The following NUP54 variants were observed in gnomAD, a reference collection of about 807,000 sequenced individuals.
NUP54 encodes nucleoporin 54, also known as nucleoporin p54.
Under a neutral mutation model 66.4 loss-of-function variants are expected in NUP54, and 27 were observed. The ratio of observed to expected loss-of-function variants is 0.41; its 90% CI spans 0.30 to 0.56. The LOEUF (loss-of-function observed/expected upper bound fraction) is 0.56, where lower values mean the gene tolerates loss of function less well. NUP54 is among the 20% of genes least tolerant of loss of function. The pLI is 0.34. For synonymous variants in NUP54, 206 were observed against 210.7 expected (o/e 0.98, Z 0.19); for missense variants, 486 against 596.3 (o/e 0.82, Z 1.93).
chr4:76,130,176 T>C (rs2109880814), intron 8 of NUP54, among the ~76,000 whole-genome samples: 1 of 151,674 alleles, frequency 6.6e-6, no homozygotes, highest in South Asian at 2.1e-4. Flanking sequence ...CAGACCAGGT[T>C]TTGCCAAGTC....
Position 76,134,625 on chromosome 4 carries a change from T to A in NUP54, c.523-263A>T, listed in dbSNP as rs369085368. On this transcript the variant is annotated intron_variant, in intron 4 of 11. Coordinates refer to ENST00000264883, the MANE Select transcript of NUP54 (RefSeq NM_017426.4). ...AGAGTAACTAAACAGCTTTCTCCCCTAAAAAATTTTGATATTCATTATTGT... is the reference window on the plus strand; with the variant it reads ...AGAGTAACTAAACAGCTTTCTCCCCAAAAAAATTTTGATATTCATTATTGT... Among the ~76,000 whole-genome samples the A allele has an allele frequency of 2.0e-4, 31 of 152,238 alleles. 1 individual carries two copies. The East Asian group carries it at 3.7e-3, about 18-fold the overall frequency.
intron 11 of NUP54, 151 bp downstream of exon 11, chr4:76,117,513 C>G (rs1174170233): frequency 1.8e-6 from 1 of 567,058 alleles, no homozygotes; most frequent in Non-Finnish European, 3.1e-6. Flanking sequence ...TCCATAGAGG[C>G]TGAACCATTT....
At chr4:76,144,535 T>C in intron 1 of NUP54, 62 bp from the exon 2 acceptor site, 2 of 1,191,022 alleles carry the variant, frequency 1.7e-6, no homozygotes, top group Non-Finnish European at 2.3e-6. Context: ...GGCAACTTCT[T>C]TTTAAAATTA....
In NUP54 at chr4:76,147,714, G is replaced by T. The variant is rs1442538185; in HGVS notation, c.67+594C>A. On this transcript the variant is annotated intron_variant, in intron 1 of 11. Coordinates refer to ENST00000264883, the MANE Select transcript of NUP54 (RefSeq NM_017426.4). Reference sequence around the variant, plus strand: ...GAAAAAGAAAAGAAAGCAAGATAAGGATTAGAAGAATCAGCAGGAGGTTTC... The same window carrying T: ...GAAAAAGAAAAGAAAGCAAGATAAGTATTAGAAGAATCAGCAGGAGGTTTC... 6.2e-6 allele frequency: 7 copies of T among 1,134,604 alleles called. No homozygotes were observed. In the Admixed American group the frequency reaches 1.1e-4, roughly 19 times the overall value. The allele number at this position is 1,134,604 out of a possible 1,614,324, so 70.3% of individuals were successfully genotyped here.
chr4:76,134,330 T>C lies in NUP54; in HGVS notation c.555A>G (p.Lys185=). ...AVGYSCMPSN[K]DEDGLVVLVF... is the part of the protein sequence containing the mutation. ...CTAAAACCACTAGCCCATCTTCATC[T>C]TTATTACTGGGCATGCAACTATAAC... Residue 185 remains lysine (K), a synonymous_variant, in exon 5 of 12, where the codon AAA becomes AAG. Coordinates refer to ENST00000264883, the MANE Select transcript of NUP54 (RefSeq NM_017426.4). The C allele has an allele frequency of 6.2e-7, 1 of 1,613,732 alleles. No individual in the cohort carries two copies. Among genetic ancestry groups the C allele is most frequent in the Non-Finnish European group, 8.5e-7 (1 of 1,179,846 alleles).
At chr4:76,120,833 C>T (rs1406359771) in intron 9 of NUP54, among the ~76,000 whole-genome samples, 1 of 152,176 alleles carries the variant, frequency 6.6e-6, no homozygotes, top group East Asian at 1.9e-4. Context: ...TTTCTATGAA[C>T]TGCCTTTACA....
At chr4:76,124,827 G>A in intron 8 of NUP54, 71 bp from the exon 9 acceptor site, 2 of 593,608 alleles carry the variant, frequency 3.4e-6, no homozygotes, top group Non-Finnish European at 3.0e-6. Context: ...ACACCTGTAT[G>A]GAAATTCTAA....
In NUP54 at chr4:76,117,728, A is replaced by C. The variant is rs1335203299; in HGVS notation, c.1331T>G (p.Phe444Cys). Residue 444 changes from phenylalanine (F) to cysteine (C), a missense_variant, in exon 11 of 12, where the codon TTT becomes TGT. Phe to Cys is a radical substitution (Grantham distance 205, BLOSUM62 -2). Around this residue, in one of 4 missense-constraint regions of NUP54, gnomAD observed 83 missense variants for 128.6 expected, o/e 0.65. Transcript: ENST00000264883. Reference sequence around the variant, plus strand: ...CCTTTCTTCAGATCTGACTGCTCCAAAATGATTCTGCATCCTGATTTGAGA... The same window carrying C: ...CCTTTCTTCAGATCTGACTGCTCCACAATGATTCTGCATCCTGATTTGAGA... ...LMSQIRMQNHFGAVRSEERYY... is the reference protein window; with the variant it reads ...LMSQIRMQNHCGAVRSEERYY... 3 of 1,614,090 alleles carry C rather than the reference A, an allele frequency of 1.9e-6. No homozygotes were observed.
Position 76,134,319 on chromosome 4 carries a change from C to A in NUP54, c.566G>T (p.Gly189Val). 6.2e-7 allele frequency: 1 copy of A among 1,613,720 alleles called. No individual in the cohort carries two copies. Among genetic ancestry groups the A allele is most frequent in the Non-Finnish European group, 8.5e-7 (1 of 1,179,870 alleles). ...TTTGTTGAAAACTAAAACCACTAGC[C>A]CATCTTCATCTTTATTACTGGGCAT... ...SCMPSNKDED[G>V]LVVLVFNKKE... is the part of the protein sequence containing the mutation. The change falls in exon 5 of 12, where the codon GGG becomes GTG. Residue 189 changes from glycine to valine, a missense_variant. Around this residue, in one of 4 missense-constraint regions of NUP54, gnomAD observed 217 missense variants for 247.9 expected, o/e 0.88. Transcript: ENST00000264883.
chr4:76,115,242 C>T lies in NUP54; in HGVS notation c.*124G>A. ...AACAGTAATTTGTCAGTAAACTTCT[C>T]AAAAAACCAATCCAAGAAAGAATTG... is the stretch of plus-strand genomic sequence containing the variant. On this transcript the variant is annotated 3_prime_UTR_variant, in exon 12 of 12. Transcript: ENST00000264883. 1 of 903,660 alleles carries T rather than the reference C, an allele frequency of 1.1e-6. No individual in the cohort carries two copies. Among genetic ancestry groups the T allele is most frequent in the Admixed American group, 3.7e-5 (1 of 27,100 alleles). The allele number at this position is 903,660 out of a possible 1,614,324, so 56.0% of individuals were successfully genotyped here. A position where few individuals can be genotyped will look rare whatever the true frequency, so the allele number is the denominator to read the frequency against.
chr4:76,145,591 ATT>A (rs1211937642), intron 1 of NUP54: 18 of 1,270,886 alleles, frequency 1.4e-5, no homozygotes, highest in Non-Finnish European at 1.8e-5. Context: ...GAAGGAAGAG[ATT>A]TGACAGATAA....
chr4:76,144,486 G>A lies in NUP54; in HGVS notation c.68-13C>T. 6.4e-7 allele frequency: 1 copy of A among 1,561,548 alleles called. No individual in the cohort carries two copies. The highest frequency in any genetic ancestry group is 1.2e-5 in the South Asian group (1 of 81,216). On this transcript the variant is annotated splice_polypyrimidine_tract_variant and intron_variant, in intron 1 of 11. Coordinates refer to ENST00000264883, the MANE Select transcript of NUP54 (RefSeq NM_017426.4). Reference sequence around the variant, plus strand: ...CCTCCAAACCCACCTAATTAAAAAAGAACAAAAATAGAAAGGAAGAATCTT... The same window carrying A: ...CCTCCAAACCCACCTAATTAAAAAAAAACAAAAATAGAAAGGAAGAATCTT...
At chr4:76,119,542 CTTTT>C (rs11358048) in intron 9 of NUP54, among the ~76,000 whole-genome samples, 1 of 143,320 alleles carries the variant, frequency 7.0e-6, no homozygotes. Context: ...AATTTTTTTT[CTTTT>C]TTTTTTTTTT....
At chr4:76,132,802 C>A in intron 5 of NUP54, 83 bp from the exon 6 acceptor site, 1 of 1,003,120 alleles carries the variant, frequency 1.0e-6, no homozygotes, top group Non-Finnish European at 1.5e-6. Context: ...CATGTGATTT[C>A]AGAAGGGTTT....
intron 9 of NUP54, among the ~76,000 whole-genome samples, chr4:76,120,917 A>G (rs1319643822): frequency 6.6e-6 from 1 of 152,216 alleles, no homozygotes; most frequent in Non-Finnish European, 1.5e-5. Context: ...GAATATGAAC[A>G]CTAAATCTAA....
chr4:76,143,995 C>T, intron 3 of NUP54, 154 bp downstream of exon 3: 1 of 734,062 alleles, frequency 1.4e-6, no homozygotes, highest in Non-Finnish European at 2.2e-6. Context: ...TCCCCAGTTG[C>T]TATCATATTT....
intron 9 of NUP54, among the ~76,000 whole-genome samples, chr4:76,123,632 C>A (rs1201694879): frequency 6.6e-6 from 1 of 152,142 alleles, no homozygotes; most frequent in Non-Finnish European, 1.5e-5. Context: ...CGTGCCTCAG[C>A]CTCCCAAGTA....
At chr4:76,132,238 A>T (rs1578682186) in intron 6 of NUP54, 1 of 207,518 alleles carries the variant, frequency 4.8e-6, no homozygotes, top group Non-Finnish European at 9.4e-6. Context: ...AGAAAAAAAT[A>T]AGCCAAAATT....
chr4:76,122,410 T>C (rs1730274909), intron 9 of NUP54, among the ~76,000 whole-genome samples: 1 of 152,188 alleles, frequency 6.6e-6, no homozygotes, highest in Non-Finnish European at 1.5e-5. Context: ...AAGCCCCTTG[T>C]AGTCACACTT....
Sources: allele counts gnomAD v4.1 joint callset (sites outside exome capture counted in the v4.1 genomes callset), GRCh38; gene constraint gnomAD v4.1.1; regional missense constraint gnomAD v4.1.1; transcripts MANE v1.5; gene names NCBI Gene and HGNC (gene_info 2026-07-23, HGNC 2026-07-21).